Variants in CAAP1 observed in about 807,000 individuals in gnomAD.
The protein encoded by CAAP1 is caspase activity and apoptosis inhibitor 1.
In CAAP1, 20 loss-of-function variants were observed where a neutral mutation model predicts 34.0. That is an observed-to-expected ratio of 0.59 (90% CI 0.41 to 0.86). CAAP1 has a LOEUF of 0.86. Ranked by LOEUF, CAAP1 falls within the 40% of genes least tolerant of loss-of-function variation. The pLI, the probability that CAAP1 is intolerant of heterozygous loss-of-function variation, is 0.00. For missense variants in CAAP1, 538 were observed against 450.5 expected (o/e 1.19, Z -1.76); for synonymous variants, 213 against 166.7 (o/e 1.28, Z -2.14).
At chr9:26,846,788 A>G (rs1009246147) in intron 5 of CAAP1, among the ~76,000 whole-genome samples, 1 of 151,912 alleles carries the variant, frequency 6.6e-6, no homozygotes, top group Non-Finnish European at 1.5e-5. Context: ...CCCAGGTTCA[A>G]GCAATTCTCC....
intron 5 of CAAP1, among the ~76,000 whole-genome samples, chr9:26,851,544 G>T (rs1822753913): frequency 1.3e-5 from 2 of 152,198 alleles, no homozygotes; most frequent in Non-Finnish European, 2.9e-5. Context: ...GATCAGATAA[G>T]TGGATATTTT....
At chr9:26,868,740 G>A (rs1387358593) in intron 4 of CAAP1, among the ~76,000 whole-genome samples, 1 of 152,082 alleles carries the variant, frequency 6.6e-6, no homozygotes, top group Non-Finnish European at 1.5e-5. Flanking sequence ...AGGTGTACAG[G>A]ACAACTTACC....
At chr9:26,851,264 T>C (rs1175244307) in intron 5 of CAAP1, among the ~76,000 whole-genome samples, 1 of 152,170 alleles carries the variant, frequency 6.6e-6, no homozygotes, top group Non-Finnish European at 1.5e-5. Flanking sequence ...GAGATATTCA[T>C]AGATATATGA....
intron 4 of CAAP1, among the ~76,000 whole-genome samples, chr9:26,884,047 T>G (rs17755911): frequency 6.6e-6 from 1 of 152,208 alleles, no homozygotes; most frequent in East Asian, 1.9e-4. Flanking sequence ...TACTACTGCC[T>G]GTGACACAAG....
intron 4 of CAAP1, among the ~76,000 whole-genome samples, chr9:26,865,847 T>C (rs1823123809): frequency 6.6e-6 from 1 of 152,006 alleles, no homozygotes; most frequent in Admixed American, 6.6e-5. Context: ...ATAACTTTAT[T>C]TATTTATTAT....
rs879836347 is a variant in CAAP1, at chr9:26,841,892, AAT to A, written c.*407_*408del. 28 of 153,126 alleles carry A rather than the reference AAT, an allele frequency of 1.8e-4. No individual in the cohort carries two copies. In the South Asian group the frequency reaches 2.3e-3, roughly 12 times the overall value. The allele number at this position is 153,126 out of a possible 1,614,324, so 9.5% of individuals were successfully genotyped here. Reference sequence around the variant, plus strand: ...AAGCAAAACTAAATTTCTCAAATTAAATAATTTAATATTGTATTGTAAAATAC... The same window carrying A: ...AAGCAAAACTAAATTTCTCAAATTAAAATTTAATATTGTATTGTAAAATAC... On this transcript the variant is annotated 3_prime_UTR_variant, in exon 6 of 6. Coordinates refer to ENST00000333916, the MANE Select transcript of CAAP1 (RefSeq NM_024828.4).
Position 26,884,804 on chromosome 9 carries a change from A to G in CAAP1, c.665+6T>C. ...TTGAAATAAAAATGAAAGTTTTTAA[A>G]CTTACTGACTGACTAAATCAGATCC... On this transcript the variant is annotated splice_donor_region_variant and intron_variant, in intron 4 of 5. Transcript: ENST00000333916. 6.3e-7 allele frequency: 1 copy of G among 1,594,864 alleles called. No individual in the cohort carries two copies. Among genetic ancestry groups the G allele is most frequent in the Non-Finnish European group, 8.5e-7 (1 of 1,170,858 alleles).
intron 4 of CAAP1, among the ~76,000 whole-genome samples, chr9:26,867,740 G>A (rs144848573): frequency 6.6e-6 from 1 of 152,054 alleles, no homozygotes; most frequent in Non-Finnish European, 1.5e-5. Context: ...ACTGCTGCTA[G>A]ATCTTATTAA....
At chr9:26,852,866 T>C (rs1422165558) in intron 5 of CAAP1, among the ~76,000 whole-genome samples, 2 of 152,068 alleles carry the variant, frequency 1.3e-5, no homozygotes, top group Non-Finnish European at 2.9e-5. Context: ...ATCTAAATGA[T>C]GCATGGAAGA....
At chr9:26,847,770 C>T (rs902617917) in intron 5 of CAAP1, among the ~76,000 whole-genome samples, 1 of 150,966 alleles carries the variant, frequency 6.6e-6, no homozygotes, top group Non-Finnish European at 1.5e-5. Context: ...TTAGCTAAAT[C>T]TGTTGATTTT....
At chr9:26,862,463 A>T (rs1823024558) in intron 4 of CAAP1, among the ~76,000 whole-genome samples, 1 of 152,096 alleles carries the variant, frequency 6.6e-6, no homozygotes. Flanking sequence ...CAATAAGAGG[A>T]GGATGGATAT....
chr9:26,892,594 C>T lies in CAAP1; in HGVS notation c.122G>A (p.Ser41Asn). 5.6e-6 allele frequency: 9 copies of T among 1,607,124 alleles called. No individual in the cohort carries two copies. Among genetic ancestry groups the T allele is most frequent in the Non-Finnish European group, 7.6e-6 (9 of 1,178,354 alleles). The change falls in exon 1 of 6, where the codon AGC (serine) becomes AAC (asparagine). Residue 41 changes from serine to asparagine, a missense_variant. This residue lies in a region of CAAP1 where 514 missense variants were observed against 408.4 expected (regional missense o/e 1.26). Coordinates refer to ENST00000333916, the MANE Select transcript of CAAP1 (RefSeq NM_024828.4). ...GCAGCCCCCGGCGCTCCCGCAGCCG[C>T]TAGTGCTTCCACTGCTGCCGCTGGC... ...ALASGSSGSTSGCGSAGGCGS... is the reference protein window; with the variant it reads ...ALASGSSGSTNGCGSAGGCGS...
At chr9:26,874,922 ATAAATTTATAATCTT>A (rs879938899) in intron 4 of CAAP1, among the ~76,000 whole-genome samples, 4 of 152,234 alleles carry the variant, frequency 2.6e-5, no homozygotes, top group Non-Finnish European at 5.9e-5. Flanking sequence ...AACTGCAAAG[ATAAATTTATAATCTT>A]TAAAGCTTGT....
chr9:26,884,969 A>G, intron 3 of CAAP1, 84 bp from the exon 4 acceptor site: 1 of 1,028,398 alleles, frequency 9.7e-7, no homozygotes, highest in Admixed American at 2.1e-5. Context: ...TATAATCTTT[A>G]AAAGTGATGC....
At chr9:26,884,648 T>C (rs1478399990) in intron 4 of CAAP1, among the ~76,000 whole-genome samples, 162 bp downstream of exon 4, 1 of 152,158 alleles carries the variant, frequency 6.6e-6, no homozygotes, top group African/African-American at 2.4e-5. Flanking sequence ...TCCTCACATA[T>C]ACCAAAAGGA....
Position 26,892,791 on chromosome 9 carries a change from G to C in CAAP1, c.-76C>G. The C allele has an allele frequency of 7.0e-7, 1 of 1,422,440 alleles. No homozygotes were observed. Among genetic ancestry groups the C allele is most frequent in the Non-Finnish European group, 9.4e-7 (1 of 1,064,004 alleles). The allele number at this position is 1,422,440 out of a possible 1,614,324, so 88.1% of individuals were successfully genotyped here. ...CGAAGCCCGACTCCTGCGGCCGTGG[G>C]CGGCAGGCACTGGCGTCGCAGGTTA... On this transcript the variant is annotated 5_prime_UTR_variant, in exon 1 of 6. Coordinates refer to ENST00000333916, the MANE Select transcript of CAAP1 (RefSeq NM_024828.4).
At chr9:26,868,438 A>G (rs1166763458) in intron 4 of CAAP1, among the ~76,000 whole-genome samples, 2 of 152,214 alleles carry the variant, frequency 1.3e-5, no homozygotes, top group Admixed American at 1.3e-4. Flanking sequence ...CTGGAAGCTG[A>G]AAAGGGCAAG....
chr9:26,887,581 T>A, intron 1 of CAAP1, 68 bp from the exon 2 acceptor site: 6 of 852,078 alleles, frequency 7.0e-6, no homozygotes, highest in Non-Finnish European at 1.0e-5. Context: ...GTACATGACA[T>A]CATACGTTTT....
chr9:26,892,178 ATAAAT>A (rs1296939663), intron 1 of CAAP1: 3 of 1,223,212 alleles, frequency 2.5e-6, no homozygotes, highest in Non-Finnish European at 3.3e-6. Flanking sequence ...AGTTTAAAAA[ATAAAT>A]TAAAAAAAAA....
Sources: gnomAD v4.1 joint callset for allele counts (sites outside exome capture counted in the v4.1 genomes callset) on GRCh38, gnomAD v4.1.1 for gene constraint, gnomAD v4.1.1 regional missense constraint, MANE v1.5 for transcripts, NCBI Gene and HGNC (gene_info 2026-07-23, HGNC 2026-07-21) for gene names.